Variants in SMAD2 observed in about 807,000 individuals in gnomAD.
SMAD2 encodes the protein MAD homolog 2.
A neutral mutation model predicts 64.4 loss-of-function variants in SMAD2; 8 were observed. The observed-to-expected ratio is 0.12, with a 90% CI of 0.07 to 0.22. SMAD2 has a LOEUF of 0.22. Among genes scored for constraint, SMAD2 ranks in the 10% least tolerant of loss-of-function variants. SMAD2 has a pLI of 1.00. For missense variants in SMAD2, 289 were observed against 561.2 expected, an observed-to-expected ratio of 0.51 and a Z score of 4.90; for synonymous variants, 203 against 195.8, an observed-to-expected ratio of 1.04 and a Z score of -0.31.
rs533946658 is a variant in SMAD2 at position 47,820,524 on chromosome 18, G to C, written c.*21303C>G. The C allele has an allele frequency of 6.6e-6, 1 of 152,096 alleles. No individual in the cohort carries two copies. Among genetic ancestry groups the C allele is most frequent in the South Asian group, 2.1e-4 (1 of 4,828 alleles). The allele number at this position is 152,096 out of a possible 1,614,324, so 9.4% of individuals were successfully genotyped here. A position where few individuals can be genotyped will look rare whatever the true frequency, so the allele number is the denominator to read the frequency against. ...GTAGGAGGAGGAGAGAAATATGAAG[G>C]AAGTTAATGGGTGTGAGAATGTACC... is the stretch of plus-strand genomic sequence containing the variant. On this transcript the variant is annotated 3_prime_UTR_variant, in exon 11 of 11. Transcript: ENST00000262160.
At chr18:47,918,100 G>C (rs1156425278) in intron 1 of SMAD2, among the ~76,000 whole-genome samples, 1 of 152,168 alleles carries the variant, frequency 6.6e-6, no homozygotes, top group African/African-American at 2.4e-5. Context: ...ATAATAGGTA[G>C]CACTTGTTAA....
At chr18:47,900,099 T>C (rs192422400) in intron 1 of SMAD2, among the ~76,000 whole-genome samples, 1 of 152,278 alleles carries the variant, frequency 6.6e-6, no homozygotes, top group East Asian at 1.9e-4. Context: ...ATGAGCTACA[T>C]ATGTACTTTA....
chr18:47,878,902 A>G (rs2032421626), intron 2 of SMAD2, among the ~76,000 whole-genome samples: 1 of 152,102 alleles, frequency 6.6e-6, no homozygotes, highest in African/African-American at 2.4e-5. Flanking sequence ...TCCATCCCTT[A>G]CTTTTTGGAA....
Position 47,841,401 on chromosome 18 carries a change from G to C in SMAD2, c.*426C>G, listed in dbSNP as rs949941363. On this transcript the variant is annotated 3_prime_UTR_variant, in exon 11 of 11. Transcript: ENST00000262160. ...AAGTGGGAATAACAGATTAGGTACT[G>C]CAACTTTATAAAGGTTTGCCTAGAT... 3.9e-6 allele frequency: 1 copy of C among 255,198 alleles called. No homozygotes were observed. The highest frequency in any genetic ancestry group is 2.2e-5 in the African/African-American group (1 of 46,284). The allele number at this position is 255,198 out of a possible 1,614,324, so 15.8% of individuals were successfully genotyped here. A position where few individuals can be genotyped will look rare whatever the true frequency, so the allele number is the denominator to read the frequency against.
intron 6 of SMAD2, among the ~76,000 whole-genome samples, chr18:47,857,505 AAC>A (rs1387864712): frequency 6.6e-6 from 1 of 152,236 alleles, no homozygotes; most frequent in Non-Finnish European, 1.5e-5. Flanking sequence ...GATTGGGGAA[AAC>A]CTTTGCTTCT....
chr18:47,874,803 T>C (rs76185588), intron 2 of SMAD2, among the ~76,000 whole-genome samples: 3,427 of 152,250 alleles, frequency 0.023, 126 homozygotes, highest in African/African-American at 0.078. Context: ...GAGGTTCCAA[T>C]GTATGTGTAT....
In SMAD2 at chr18:47,904,128, C is replaced by T. The variant is rs569203692; in HGVS notation, c.-53-7319G>A. Among the ~76,000 whole-genome samples, 11 of 151,572 alleles carry T rather than the reference C, an allele frequency of 7.3e-5. No homozygotes were observed. The East Asian group carries it at 2.1e-3, about 29-fold the overall frequency. ...ATAACAGTTAAAATCCCTGGGAGTCCTCGATAGAAAGAGAATCTGCACTCA... is the reference window on the plus strand; with the variant it reads ...ATAACAGTTAAAATCCCTGGGAGTCTTCGATAGAAAGAGAATCTGCACTCA... On this transcript the variant is annotated intron_variant, in intron 1 of 10. Coordinates refer to ENST00000262160, the MANE Select transcript of SMAD2 (RefSeq NM_005901.6).
At chr18:47,907,985 T>C (rs972184153) in intron 1 of SMAD2, among the ~76,000 whole-genome samples, 3 of 152,216 alleles carry the variant, frequency 2.0e-5, no homozygotes, top group African/African-American at 7.2e-5. Flanking sequence ...ATTTTAGCAA[T>C]GTAAATTACA....
At chr18:47,852,661 CATT>C (rs2030231740) in intron 6 of SMAD2, among the ~76,000 whole-genome samples, 1 of 152,110 alleles carries the variant, frequency 6.6e-6, no homozygotes, top group Non-Finnish European at 1.5e-5. Context: ...TACTACGAGA[CATT>C]ATTCTATGAA....
chr18:47,869,281 C>T lies in SMAD2; in HGVS notation c.482G>A (p.Cys161Tyr), dbSNP rs2144377871. Residue 161 changes from cysteine (C) to tyrosine (Y), a missense_variant, in exon 4 of 11, where the codon TGT becomes TAT. Cys to Tyr is a radical substitution (Grantham distance 194). Transcript: ENST00000262160. ...YAFNLKKDEV[C>Y]VNPYHYQRVE... ...TCTCTGATAGTGGTAAGGGTTTACA[C>T]ATACTTCATCCTTTTTAAGATTAAA... 1 of 1,613,582 alleles carries T rather than the reference C, an allele frequency of 6.2e-7. No homozygotes were observed. The highest frequency in any genetic ancestry group is 8.5e-7 in the Non-Finnish European group (1 of 1,179,706).
At position 47,814,066 on chromosome 18, in the gene SMAD2, CA is replaced by C. The variant is rs1000369759; in HGVS notation, c.*27760del. ...ATCAGGGCATCAAGAGAAGGATATTCAAGGTACTTAGGACCAGAACAGGCAA... is the reference window on the plus strand; with the variant it reads ...ATCAGGGCATCAAGAGAAGGATATTCAGGTACTTAGGACCAGAACAGGCAA... On this transcript the variant is annotated 3_prime_UTR_variant, in exon 11 of 11. Coordinates refer to ENST00000262160, the MANE Select transcript of SMAD2 (RefSeq NM_005901.6). 3 of 152,088 alleles carry C rather than the reference CA, an allele frequency of 2.0e-5. No individual in the cohort carries two copies. Among genetic ancestry groups the C allele is most frequent in the African/African-American group, 7.2e-5 (3 of 41,408 alleles). 9.4% of individuals were successfully genotyped at this position (152,088 alleles called of 1,614,324 possible).
intron 2 of SMAD2, among the ~76,000 whole-genome samples, chr18:47,887,600 T>C (rs531353620): frequency 5.3e-5 from 8 of 152,198 alleles, no homozygotes; most frequent in South Asian, 4.1e-4. Flanking sequence ...TCAACTATTA[T>C]GTCTTACTAA....
intron 1 of SMAD2, among the ~76,000 whole-genome samples, chr18:47,913,563 A>C (rs1048669931): frequency 6.6e-6 from 1 of 152,240 alleles, no homozygotes; most frequent in African/African-American, 2.4e-5. Context: ...ATTTGTTGTA[A>C]GTAATGCTGA....
At chr18:47,905,345 T>C (rs1023086342) in intron 1 of SMAD2, among the ~76,000 whole-genome samples, 4 of 152,220 alleles carry the variant, frequency 2.6e-5, no homozygotes, top group African/African-American at 9.6e-5. Context: ...GACTTGAAGA[T>C]TCATATTGCT....
chr18:47,841,716 G>GT lies in SMAD2; in HGVS notation c.*110dup. The GT allele has an allele frequency of 7.8e-7, 1 of 1,286,334 alleles. No individual in the cohort carries two copies. Among genetic ancestry groups the GT allele is most frequent in the Non-Finnish European group, 1.1e-6 (1 of 893,672 alleles). 79.7% of individuals were successfully genotyped at this position (1,286,334 alleles called of 1,614,324 possible). Reference sequence around the variant, plus strand: ...TTTAATTGATGAGACCTCAAGTGCTGTTTTCTCTCTTGAACTTTTGGATAG... The same window carrying GT: ...TTTAATTGATGAGACCTCAAGTGCTGTTTTTCTCTCTTGAACTTTTGGATAG... On this transcript the variant is annotated 3_prime_UTR_variant, in exon 11 of 11. Transcript: ENST00000262160.
rs1331288255 is a variant in SMAD2 at position 47,844,559 on chromosome 18, A to G, written c.1280+781T>C. Among the ~76,000 whole-genome samples the G allele has an allele frequency of 5.3e-5, 8 of 152,184 alleles. No individual in the cohort carries two copies. The South Asian group carries it at 6.2e-4, about 12-fold the overall frequency. On this transcript the variant is annotated intron_variant, in intron 10 of 10. Transcript: ENST00000262160. ...ATTAGTTTTTGTAAAACTTAAACAT[A>G]ATTGTTACTACTATCCTTATAAAAG... is the stretch of plus-strand genomic sequence containing the variant.
At chr18:47,883,406 C>G (rs1337935107) in intron 2 of SMAD2, among the ~76,000 whole-genome samples, 1 of 152,196 alleles carries the variant, frequency 6.6e-6, no homozygotes. Flanking sequence ...GCCCTGTAAA[C>G]AGTCTTTCCT....
intron 6 of SMAD2, among the ~76,000 whole-genome samples, chr18:47,857,731 A>C (rs1033726830): frequency 1.3e-5 from 2 of 152,226 alleles, no homozygotes; most frequent in African/African-American, 4.8e-5. Flanking sequence ...CCAAAGGAGA[A>C]GCCAACTAAA....
In SMAD2 at chr18:47,817,101, TAG is replaced by T. The variant is rs1279555816; in HGVS notation, c.*24724_*24725del. ...TCTACAGCAATGCTGTATTCCCAAA[TAG>T]AGTTTTCTTTTAGAGAGCCTCTCTC... On this transcript the variant is annotated 3_prime_UTR_variant, in exon 11 of 11. Coordinates refer to ENST00000262160, the MANE Select transcript of SMAD2 (RefSeq NM_005901.6). 2.0e-5 allele frequency: 3 copies of T among 152,160 alleles called. No homozygotes were observed. Among genetic ancestry groups the T allele is most frequent in the Admixed American group, 6.5e-5 (1 of 15,284 alleles). The allele number at this position is 152,160 out of a possible 1,614,324, so 9.4% of individuals were successfully genotyped here. A position where few individuals can be genotyped will look rare whatever the true frequency, so the allele number is the denominator to read the frequency against.
Sources: gnomAD v4.1 joint callset for allele counts (sites outside exome capture counted in the v4.1 genomes callset) on GRCh38, gnomAD v4.1.1 for gene constraint, MANE v1.5 for transcripts, NCBI Gene and HGNC (gene_info 2026-07-23, HGNC 2026-07-21) for gene names.